TIPIN: variants seen among roughly 807,000 people sequenced by gnomAD.
The protein encoded by TIPIN is TIMELESS interacting protein.
In TIPIN, 29 loss-of-function variants were observed where a neutral mutation model predicts 35.6. The ratio of observed to expected loss-of-function variants is 0.82; its 90% confidence interval spans 0.61 to 1.11. The LOEUF (loss-of-function observed/expected upper bound fraction) is 1.11. Ranked by LOEUF, TIPIN falls within the 50% of genes most tolerant of loss-of-function variation. The probability of loss-of-function intolerance (pLI) is 0.00; values close to 1 mark genes in which losing one functional copy is unlikely to be tolerated. For missense variants in TIPIN, 296 were observed against 345.4 expected (o/e 0.86, Z 1.13); for synonymous variants, 102 against 121.5 (o/e 0.84, Z 1.06).
At chr15:66,370,498 G>T in intron 1 of TIPIN, among the ~76,000 whole-genome samples, 1 of 151,804 alleles carries the variant, frequency 6.6e-6, no homozygotes, top group Non-Finnish European at 1.5e-5. Flanking sequence ...GGGCCAGCAG[G>T]GGCATGGGGC....
At chr15:66,348,351 C>A (rs1289289845) in intron 6 of TIPIN, 1 of 151,516 alleles carries the variant, frequency 6.6e-6, no homozygotes, top group African/African-American at 2.4e-5. Flanking sequence ...CCTCCCTTTT[C>A]ACTATTGCAT....
intron 1 of TIPIN, among the ~76,000 whole-genome samples, chr15:66,362,846 TTTTTTGGATTTATCACTTGTGTAAGTGC>T (rs1378995653): frequency 6.6e-6 from 1 of 152,212 alleles, no homozygotes; most frequent in Non-Finnish European, 1.5e-5. Context: ...TTGGCTAGTG[TTTTTTGGATTTATCACTTGTGTAAGTGC>T]TGGGTTGCCA....
At chr15:66,360,523 T>C (rs1325443331), upstream of TIPIN, among the ~76,000 whole-genome samples, 1 of 152,132 alleles carries the variant, frequency 6.6e-6, no homozygotes, top group Non-Finnish European at 1.5e-5. Context: ...TTGTCAGTCA[T>C]TGATATTGTC....
intron 1 of TIPIN, among the ~76,000 whole-genome samples, chr15:66,366,536 G>A (rs933283395): frequency 1.4e-5 from 2 of 147,958 alleles, no homozygotes; most frequent in Admixed American, 6.9e-5. Context: ...GGAGGATCAC[G>A]AGGTCAGGAG....
intron 1 of TIPIN, among the ~76,000 whole-genome samples, chr15:66,384,949 AAAAAC>A (rs946318459): frequency 7.9e-5 from 12 of 152,094 alleles, no homozygotes; most frequent in South Asian, 4.1e-4. Flanking sequence ...CACCCCCCCA[AAAAAC>A]AAAACAAAAC....
rs2093169472 is a variant in TIPIN at position 66,351,727 on chromosome 15, T to TC, written c.213-128dup. On this transcript the variant is annotated intron_variant, in intron 3 of 7. Coordinates refer to ENST00000261881, the MANE Select transcript of TIPIN (RefSeq NM_017858.3). ...ATCTCGGGTCACTGCAAGCTCGGCCTCCCCCAGGTTCACGTCATTCTCCTG... is the reference window on the plus strand; with the variant it reads ...ATCTCGGGTCACTGCAAGCTCGGCCTCCCCCCAGGTTCACGTCATTCTCCTG... 7.0e-6 allele frequency: 5 copies of TC among 717,326 alleles called. No homozygotes were observed. The Admixed American group carries it at 1.1e-4, about 16-fold the overall frequency. 44.4% of individuals were successfully genotyped at this position (717,326 alleles called of 1,614,324 possible). A position where few individuals can be genotyped will look rare whatever the true frequency, so the allele number is the denominator to read the frequency against.
intron 1 of TIPIN, among the ~76,000 whole-genome samples, chr15:66,356,417 G>C (rs1403212375): frequency 6.6e-6 from 1 of 152,302 alleles, no homozygotes; most frequent in East Asian, 1.9e-4. Flanking sequence ...CGGCTTGGCA[G>C]AGTAAGAGGC....
chr15:66,338,813 CAAAAAAAA>C (rs35966273), intron 7 of TIPIN, among the ~76,000 whole-genome samples: 3 of 35,292 alleles, frequency 8.5e-5, no homozygotes, highest in African/African-American at 1.3e-4. Context: ...GACTCCGTCT[CAAAAAAAA>C]AAAAAAAAAA....
At chr15:66,364,215 T>C (rs553975225) in intron 1 of TIPIN, among the ~76,000 whole-genome samples, 3 of 144,634 alleles carry the variant, frequency 2.1e-5, no homozygotes, top group South Asian at 4.5e-4. Flanking sequence ...GCCCAGGCTG[T>C]AGTGCAGCAA....
chr15:66,363,041 G>A lies in TIPIN; in HGVS notation c.-8-10086C>T, dbSNP rs148159940. Among the ~76,000 whole-genome samples the A allele has an allele frequency of 1.8e-4, 28 of 152,324 alleles. No individual in the cohort carries two copies. In the East Asian group the frequency reaches 5.2e-3, roughly 28 times the overall value. ...ACAATTCAGTTGGGCAGGCCAGAGAGTTAAGATCAGTTCAGCTGCAAATGA... is the reference window on the plus strand; with the variant it reads ...ACAATTCAGTTGGGCAGGCCAGAGAATTAAGATCAGTTCAGCTGCAAATGA... On this transcript the variant is annotated intron_variant, in intron 1 of 7. Transcript: ENST00000562124.
At chr15:66,357,355 CAG>C (rs2093210525), upstream of TIPIN, among the ~76,000 whole-genome samples, 1 of 152,104 alleles carries the variant, frequency 6.6e-6, no homozygotes, top group Non-Finnish European at 1.5e-5. Flanking sequence ...GCTTCGAACT[CAG>C]AGTTTTATGA....
intron 1 of TIPIN, among the ~76,000 whole-genome samples, chr15:66,361,899 A>T (rs2093232908): frequency 6.6e-6 from 1 of 152,056 alleles, no homozygotes; most frequent in South Asian, 2.1e-4. Flanking sequence ...GAATCACTCC[A>T]ATGTGGAAGT....
chr15:66,377,580 G>T (rs542058854), intron 1 of TIPIN, among the ~76,000 whole-genome samples: 94 of 152,222 alleles, frequency 6.2e-4, no homozygotes, highest in African/African-American at 2.2e-3. Flanking sequence ...GGCCAGGCTG[G>T]TCTCGAACTC....
At chr15:66,365,598 G>A (rs2093250651) in intron 1 of TIPIN, among the ~76,000 whole-genome samples, 3 of 152,190 alleles carry the variant, frequency 2.0e-5, no homozygotes, top group African/African-American at 7.2e-5. Context: ...CCAGGTTGGA[G>A]TGCAGTGGCA....
intron 4 of TIPIN, among the ~76,000 whole-genome samples, chr15:66,350,506 G>GAAGCAGTA (rs1290873429): frequency 6.6e-6 from 1 of 151,682 alleles, no homozygotes; most frequent in Admixed American, 6.6e-5. Context: ...TTGGGAGGCT[G>GAAGCAGTA]AAGCAGTAGA....
At chr15:66,367,764 T>C (rs2093262355) in intron 1 of TIPIN, among the ~76,000 whole-genome samples, 2 of 152,098 alleles carry the variant, frequency 1.3e-5, no homozygotes, top group Middle Eastern at 3.4e-3. Context: ...AAAAGGACAT[T>C]ACTTTGTGTT....
intron 6 of TIPIN, chr15:66,348,170 T>A (rs368217405): frequency 6.6e-6 from 1 of 151,826 alleles, no homozygotes; most frequent in African/African-American, 2.4e-5. Context: ...CACACCTGAT[T>A]AACTTTTTAA....
intron 6 of TIPIN, chr15:66,347,354 T>G (rs2093133775): frequency 2.0e-6 from 1 of 496,938 alleles, no homozygotes; most frequent in South Asian, 1.5e-5. Flanking sequence ...AAGGTCTCAC[T>G]AAAGTCCTAT....
chr15:66,365,157 C>G (rs899887159), intron 1 of TIPIN, among the ~76,000 whole-genome samples: 10 of 151,904 alleles, frequency 6.6e-5, no homozygotes, highest in African/African-American at 2.4e-4. Flanking sequence ...ACTGGTATTG[C>G]AAGAGACAGG....
Sources: allele counts gnomAD v4.1 joint callset (sites outside exome capture counted in the v4.1 genomes callset), GRCh38; gene constraint gnomAD v4.1.1; transcripts MANE v1.5; gene names NCBI Gene and HGNC (gene_info 2026-07-23, HGNC 2026-07-21).